IFT140: variants seen among roughly 807,000 people sequenced by gnomAD.
IFT140 encodes intraflagellar transport 140.
In IFT140, 133 loss-of-function variants were observed where a neutral mutation model predicts 164.6. That is an observed-to-expected ratio of 0.81 (90% CI 0.70 to 0.93). The LOEUF is 0.93. IFT140 is among the 40% of genes least tolerant of loss of function. IFT140 has a pLI of 0.00. For missense variants in IFT140, 2,045 were observed against 1,972.3 expected, an observed-to-expected ratio of 1.04 and a Z score of -0.70; for synonymous variants, 860 against 817.3, an observed-to-expected ratio of 1.05 and a Z score of -0.89.
chr16:1,538,309 A>T (rs1449178416), intron 19 of IFT140, among the ~76,000 whole-genome samples: 1 of 152,102 alleles, frequency 6.6e-6, no homozygotes, highest in African/African-American at 2.4e-5. Flanking sequence ...GTGTGCCTGG[A>T]GCTGCGAGGA....
At chr16:1,534,447 G>A (rs754246477) in intron 19 of IFT140, 3 of 1,611,552 alleles carry the variant, frequency 1.9e-6, no homozygotes, top group African/African-American at 2.7e-5. Flanking sequence ...GACCCGGGGA[G>A]GGCCGAGCCC....
chr16:1,523,354 C>T (rs1053553405), intron 26 of IFT140, among the ~76,000 whole-genome samples, 164 bp downstream of exon 26: 4 of 152,154 alleles, frequency 2.6e-5, no homozygotes, highest in African/African-American at 9.7e-5. Context: ...ACTTGCGGAC[C>T]TCCTGGGTGT....
At chr16:1,584,680 G>A (rs1054877088) in intron 10 of IFT140, among the ~76,000 whole-genome samples, 3 of 152,168 alleles carry the variant, frequency 2.0e-5, no homozygotes, top group Non-Finnish European at 2.9e-5. Flanking sequence ...GTTCTGATGG[G>A]AAGAGCGTTT....
chr16:1,511,104 T>C lies in IFT140; in HGVS notation c.4229A>G (p.Asn1410Ser), dbSNP rs2040130424. 2 of 1,610,510 alleles carry C rather than the reference T, an allele frequency of 1.2e-6. No homozygotes were observed. The highest frequency in any genetic ancestry group is 2.7e-5 in the African/African-American group (2 of 74,906). Residue 1410 changes from asparagine to serine, a missense_variant, in exon 31 of 31, where the codon AAC becomes AGC. By Grantham distance (46) the Asn-to-Ser change is conservative. Transcript: ENST00000426508. ...CTGCGGGCTCACGTAGTAGGACATG[T>C]TGGCCAAGGGAAGCCGCCGCCGCAT... is the stretch of plus-strand genomic sequence containing the variant. ...EEMRRRLPLA[N>S]MSYYVSPQAV...
intron 13 of IFT140, chr16:1,577,698 A>G (rs1409841374): frequency 6.6e-6 from 1 of 152,164 alleles, no homozygotes; most frequent in African/African-American, 2.4e-5. Context: ...TACCAAAAAT[A>G]CAAAAAATTA....
chr16:1,556,512 C>T (rs1276295659), intron 19 of IFT140, among the ~76,000 whole-genome samples: 1 of 152,240 alleles, frequency 6.6e-6, no homozygotes, highest in Non-Finnish European at 1.5e-5. Context: ...TAATATAAAT[C>T]TTTAGTTTGG....
chr16:1,518,272 C>G lies in IFT140; in HGVS notation c.4126G>C (p.Gly1376Arg). The change falls in exon 30 of 31, where the codon GGG becomes CGG. Residue 1376 changes from glycine (G) to arginine (R), a missense_variant. Physicochemically the swap from Gly to Arg is moderately radical, Grantham distance 125 (BLOSUM62 -2). Coordinates refer to ENST00000426508, the MANE Select transcript of IFT140 (RefSeq NM_014714.4). ...TCCACCAGGAAGCCATAGACGTCCC[C>G]GATGCGGATGGTGCTGTCCAGGTCT... ...EPDLDSTIRI[G>R]DVYGFLVEHY... 2.5e-6 allele frequency: 4 copies of G among 1,614,142 alleles called. No homozygotes were observed. The highest frequency in any genetic ancestry group is 3.4e-6 in the Non-Finnish European group (4 of 1,180,032).
At chr16:1,518,391 A>G (rs769098275) in intron 29 of IFT140, 34 bp from the exon 30 acceptor site, 2 of 1,597,078 alleles carry the variant, frequency 1.3e-6, no homozygotes, top group Non-Finnish European at 1.7e-6. Flanking sequence ...TGGGCCCCGA[A>G]GCCCTGAACA....
chr16:1,580,834 C>T lies in IFT140; in HGVS notation c.1449G>A (p.Glu483=), dbSNP rs777429356. The T allele has an allele frequency of 1.1e-5, 17 of 1,613,374 alleles. No homozygotes were observed. Among genetic ancestry groups the T allele is most frequent in the Non-Finnish European group, 1.4e-5 (17 of 1,179,540 alleles). The change falls in exon 13 of 31, where the codon GAG becomes GAA. Residue 483 remains glutamate, a synonymous_variant. Transcript: ENST00000426508. ...AIRSAGTFLC[E]TPVLAMHEEN... ...CTTCATGCATTGCTAACACAGGCGT[C>T]TCACACAAGAAGGTCCCTAAAATGA...
chr16:1,586,554 A>G (rs1193199577), intron 9 of IFT140, among the ~76,000 whole-genome samples: 1 of 152,170 alleles, frequency 6.6e-6, no homozygotes, highest in Non-Finnish European at 1.5e-5. Context: ...CAGGCACTAG[A>G]GACGCGGCTC....
At chr16:1,565,324 A>G (rs1309707392) in intron 16 of IFT140, among the ~76,000 whole-genome samples, 1 of 151,976 alleles carries the variant, frequency 6.6e-6, no homozygotes, top group Non-Finnish European at 1.5e-5. Flanking sequence ...TGGGGCCTGC[A>G]CTCGGTGAGC....
At chr16:1,570,233 C>G (rs1267483186) in intron 14 of IFT140, among the ~76,000 whole-genome samples, 1 of 152,182 alleles carries the variant, frequency 6.6e-6, no homozygotes. Flanking sequence ...CCTGCTGGGA[C>G]AGGGTTGTTG....
intron 18 of IFT140, among the ~76,000 whole-genome samples, chr16:1,560,940 A>G (rs1287042682): frequency 6.6e-6 from 1 of 152,190 alleles, no homozygotes; most frequent in Non-Finnish European, 1.5e-5. Context: ...AGAAGCTTCC[A>G]TGTTTCACAG....
At chr16:1,561,699 C>T (rs2033416869) in intron 18 of IFT140, among the ~76,000 whole-genome samples, 1 of 152,208 alleles carries the variant, frequency 6.6e-6, no homozygotes, top group Non-Finnish European at 1.5e-5. Flanking sequence ...GTGCAGAGTC[C>T]TGAGTCCTGC....
intron 19 of IFT140, among the ~76,000 whole-genome samples, chr16:1,528,306 C>T (rs2029946435): frequency 7.9e-6 from 1 of 126,660 alleles, no homozygotes; most frequent in African/African-American, 3.4e-5. Flanking sequence ...ACCAAAGCCA[C>T]ACACACACGC....
chr16:1,596,468 C>T (rs1460097475), intron 4 of IFT140, among the ~76,000 whole-genome samples: 1 of 150,454 alleles, frequency 6.6e-6, no homozygotes, highest in African/African-American at 2.4e-5. Context: ...CAGGCTGCCA[C>T]CTGGAATGTC....
At chr16:1,573,554 CT>C (rs1274262961) in intron 13 of IFT140, among the ~76,000 whole-genome samples, 2 of 152,158 alleles carry the variant, frequency 1.3e-5, no homozygotes, top group Non-Finnish European at 2.9e-5. Flanking sequence ...GCCCTGCCCC[CT>C]ATGCCAGCTC....
At chr16:1,523,990 C>G (rs754517565) in intron 24 of IFT140, 34 bp from the exon 25 acceptor site, 67 of 1,600,590 alleles carry the variant, frequency 4.2e-5, no homozygotes, top group Non-Finnish European at 5.7e-5. Flanking sequence ...TGAAGCGGCT[C>G]CCACTGGCTT....
intron 13 of IFT140, among the ~76,000 whole-genome samples, chr16:1,575,221 C>T (rs1002944114): frequency 1.3e-5 from 2 of 149,672 alleles, no homozygotes; most frequent in Non-Finnish European, 3.0e-5. Flanking sequence ...ATAATAATAA[C>T]AAAATTAGCC....
Sources: allele counts gnomAD v4.1 joint callset (sites outside exome capture counted in the v4.1 genomes callset), GRCh38; gene constraint gnomAD v4.1.1; transcripts MANE v1.5; gene names NCBI Gene and HGNC (gene_info 2026-07-23, HGNC 2026-07-21).